The following ARHGAP8 variants were observed in gnomAD, a reference collection of about 807,000 sequenced individuals.
ARHGAP8 encodes Rho GTPase activating protein 8.
ARHGAP8 carries 62 observed loss-of-function variants against 46.1 expected under a neutral mutation model. The observed-to-expected ratio is 1.34, with a 90% CI of 1.10 to 1.66. The LOEUF (loss-of-function observed/expected upper bound fraction) is 1.66. ARHGAP8 is among the 40% of genes most tolerant of loss of function. The pLI, the probability that ARHGAP8 is intolerant of heterozygous loss-of-function variation, is 0.00. For missense variants in ARHGAP8, 923 were observed against 568.4 expected, an observed-to-expected ratio of 1.62 and a Z score of -6.34; for synonymous variants, 375 against 243.1, an observed-to-expected ratio of 1.54 and a Z score of -5.05.
chr22:44,758,909 T>G (rs1924904759), intron 1 of ARHGAP8, among the ~76,000 whole-genome samples: 1 of 152,328 alleles, frequency 6.6e-6, no homozygotes, highest in Non-Finnish European at 1.5e-5. Context: ...TCCTGAGATC[T>G]GGGTTTAGGA....
At chr22:44,805,864 G>A (rs1340846015) in intron 3 of ARHGAP8, among the ~76,000 whole-genome samples, 2 of 152,146 alleles carry the variant, frequency 1.3e-5, no homozygotes, top group Non-Finnish European at 2.9e-5. Context: ...TTTTTGAAGC[G>A]GGTGAAGAAA....
chr22:44,823,600 C>T (rs1339068820), intron 6 of ARHGAP8, among the ~76,000 whole-genome samples: 2 of 152,018 alleles, frequency 1.3e-5, no homozygotes, highest in African/African-American at 4.8e-5. Flanking sequence ...CCTGGTCGCC[C>T]GTGGGCCCTG....
At chr22:44,827,336 GTTTTT>G (rs796490147) in intron 7 of ARHGAP8, among the ~76,000 whole-genome samples, 15 of 67,270 alleles carry the variant, frequency 2.2e-4, no homozygotes, top group Admixed American at 7.6e-4. Flanking sequence ...TTGGGTGGTG[GTTTTT>G]TTTTTTTTTT....
At chr22:44,777,548 C>T (rs1926512728) in intron 1 of ARHGAP8, among the ~76,000 whole-genome samples, 1 of 151,966 alleles carries the variant, frequency 6.6e-6, no homozygotes, top group African/African-American at 2.4e-5. Context: ...GGCCTGAAGT[C>T]TCCTCCCTAC....
chr22:44,757,550 T>G (rs1245066034), intron 1 of ARHGAP8, among the ~76,000 whole-genome samples: 1 of 152,066 alleles, frequency 6.6e-6, no homozygotes, highest in African/African-American at 2.4e-5. Context: ...GTGCTGGGAT[T>G]GCAGGCGTGA....
At chr22:44,754,013 G>C (rs988645594) in intron 1 of ARHGAP8, among the ~76,000 whole-genome samples, 1 of 152,216 alleles carries the variant, frequency 6.6e-6, no homozygotes, top group African/African-American at 2.4e-5. Context: ...ACCAACGCCA[G>C]AGTTGGGGGT....
intron 11 of ARHGAP8, among the ~76,000 whole-genome samples, chr22:44,861,270 G>A (rs921722228): frequency 1.3e-5 from 2 of 152,166 alleles, no homozygotes; most frequent in African/African-American, 4.8e-5. Context: ...ACTGCACCCA[G>A]CCTACTTCTT....
In ARHGAP8 at chr22:44,849,226, C is replaced by T. The variant is rs1601518953; in HGVS notation, c.877+166C>T. 29 of 1,325,588 alleles carry T rather than the reference C, an allele frequency of 2.2e-5. No homozygotes were observed. In the South Asian group the frequency reaches 2.5e-4, roughly 11 times the overall value. The allele number at this position is 1,325,588 out of a possible 1,614,324, so 82.1% of individuals were successfully genotyped here. A position where few individuals can be genotyped will look rare whatever the true frequency, so the allele number is the denominator to read the frequency against. ...AAGAGAGGGGGTTGTTGGGGCTGCC[C>T]CCACCATGCACAGCCAGTCCACACT... On this transcript the variant is annotated intron_variant, in intron 10 of 11. Coordinates refer to ENST00000356099, the MANE Select transcript of ARHGAP8 (RefSeq NM_181335.3).
At chr22:44,851,011 C>G (rs1466200201) in intron 10 of ARHGAP8, 1 of 151,236 alleles carries the variant, frequency 6.6e-6, no homozygotes, top group Non-Finnish European at 1.5e-5. Context: ...TTTATCTGTC[C>G]TTTGAGATGA....
chr22:44,791,085 C>G (rs749685522), intron 2 of ARHGAP8, among the ~76,000 whole-genome samples: 3 of 151,998 alleles, frequency 2.0e-5, no homozygotes, highest in Non-Finnish European at 2.9e-5. Context: ...CGGTGGGTAC[C>G]CCGGGGACTG....
At chr22:44,830,304 G>A (rs1460754677) in intron 7 of ARHGAP8, among the ~76,000 whole-genome samples, 2 of 151,758 alleles carry the variant, frequency 1.3e-5, no homozygotes, top group East Asian at 1.9e-4. Context: ...GATTACAGGC[G>A]TGAGCCACTG....
At chr22:44,784,590 T>TAC (rs1247398486) in intron 1 of ARHGAP8, among the ~76,000 whole-genome samples, 2 of 151,962 alleles carry the variant, frequency 1.3e-5, no homozygotes, top group African/African-American at 4.8e-5. Context: ...CCCTGGGGGG[T>TAC]CCTGGAACCA....
chr22:44,809,298 TA>T (rs1229145823), intron 4 of ARHGAP8: 4 of 428,744 alleles, frequency 9.3e-6, no homozygotes, highest in Non-Finnish European at 1.9e-5. Flanking sequence ...TTCAACCACT[TA>T]AAAACATAAA....
chr22:44,809,037 G>A, intron 4 of ARHGAP8: 1 of 459,994 alleles, frequency 2.2e-6, no homozygotes, highest in South Asian at 1.6e-5. Flanking sequence ...GCCCAGGCTG[G>A]TCTCGAACTC....
chr22:44,818,741 G>T (rs532538167), intron 5 of ARHGAP8, among the ~76,000 whole-genome samples: 12 of 151,360 alleles, frequency 7.9e-5, no homozygotes, highest in African/African-American at 2.7e-4. Flanking sequence ...CCATCAGCCC[G>T]GCTGGAGTGC....
intron 2 of ARHGAP8, among the ~76,000 whole-genome samples, chr22:44,796,416 C>T (rs1446169420): frequency 2.0e-5 from 3 of 149,922 alleles, no homozygotes; most frequent in South Asian, 2.1e-4. Flanking sequence ...CCAGTTCCCT[C>T]GAGGTAGCTC....
chr22:44,862,471 C>T lies in ARHGAP8; in HGVS notation c.1178C>T (p.Ala393Val), dbSNP rs774768324. The part of the protein sequence containing the change: ...TPEAPGEHGL[A>V]PWEQGSRAAP... ...GAGGCACCTGGGGAGCACGGCCTGG[C>T]ACCATGGGAACAGGGGAGCAGGGCA... Residue 393 changes from alanine (A) to valine (V), a missense_variant, in exon 12 of 12, where the codon GCA (alanine) becomes GTA (valine). Physicochemically the swap from Ala to Val is moderately conservative, Grantham distance 64. Coordinates refer to ENST00000356099, the MANE Select transcript of ARHGAP8 (RefSeq NM_181335.3). 1.5e-5 allele frequency: 24 copies of T among 1,613,866 alleles called. No individual in the cohort carries two copies. Among genetic ancestry groups the T allele is most frequent in the Non-Finnish European group, 2.0e-5 (24 of 1,179,948 alleles).
At chr22:44,763,144 C>T (rs899974362) in intron 1 of ARHGAP8, among the ~76,000 whole-genome samples, 7 of 152,100 alleles carry the variant, frequency 4.6e-5, no homozygotes, top group Non-Finnish European at 1.5e-5. Flanking sequence ...AAACGACTTT[C>T]CTTTTTTCAG....
chr22:44,802,293 G>A lies in ARHGAP8; in HGVS notation c.167+129G>A, dbSNP rs144675105. 634 of 1,217,050 alleles carry A rather than the reference G, an allele frequency of 5.2e-4. 4 individuals are homozygous for A. In the African/African-American group the frequency reaches 7.3e-3, roughly 14 times the overall value. 75.4% of individuals were successfully genotyped at this position (1,217,050 alleles called of 1,614,324 possible). On this transcript the variant is annotated intron_variant, in intron 3 of 11. Transcript: ENST00000356099. ...TCCTTTGTGACCTTGCTGGTGTGCA[G>A]AGCTCTTGCACTCATGAGCCTACCC...
Sources: gnomAD v4.1 joint callset for allele counts (sites outside exome capture counted in the v4.1 genomes callset) on GRCh38, gnomAD v4.1.1 for gene constraint, MANE v1.5 for transcripts, NCBI Gene and HGNC (gene_info 2026-07-23, HGNC 2026-07-21) for gene names.